Variants in SEMA3A observed in about 807,000 individuals in gnomAD.
SEMA3A encodes semaphorin-3A.
Under a neutral mutation model 97.9 loss-of-function variants are expected in SEMA3A, and 29 were observed. That is an observed-to-expected ratio of 0.30 (90% CI 0.22 to 0.40). The LOEUF (loss-of-function observed/expected upper bound fraction) is 0.40, where lower values mean the gene tolerates loss of function less well. Ranked by LOEUF, SEMA3A falls within the 10% of genes least tolerant of loss-of-function variation. SEMA3A has a pLI of 1.00. For synonymous variants in SEMA3A, 321 were observed against 323.7 expected, an observed-to-expected ratio of 0.99 and a Z score of 0.09; for missense variants, 763 against 951.3, an observed-to-expected ratio of 0.80 and a Z score of 2.60.
intron 14 of SEMA3A, among the ~76,000 whole-genome samples, chr7:83,980,162 GAA>G (rs1420222534): frequency 1.3e-5 from 2 of 152,072 alleles, no homozygotes; most frequent in Non-Finnish European, 2.9e-5. Flanking sequence ...TGTTGAAAGA[GAA>G]AGACATCCTT....
intron 3 of SEMA3A, among the ~76,000 whole-genome samples, chr7:84,291,180 G>A (rs995373210): frequency 6.6e-6 from 1 of 151,750 alleles, no homozygotes; most frequent in African/African-American, 2.4e-5. Context: ...TATTCAATGA[G>A]CTATAAGATA....
intron 5 of SEMA3A, among the ~76,000 whole-genome samples, chr7:84,054,925 C>G (rs974118470): frequency 2.6e-5 from 4 of 151,876 alleles, no homozygotes; most frequent in Non-Finnish European, 4.4e-5. Flanking sequence ...TTCTAACAGA[C>G]AGGACCCTCA....
intron 1 of SEMA3A, among the ~76,000 whole-genome samples, chr7:84,158,748 T>C (rs1035964208): frequency 6.6e-6 from 1 of 152,204 alleles, no homozygotes; most frequent in African/African-American, 2.4e-5. Context: ...TTAAAAATTA[T>C]TGAGAAAATT....
intron 15 of SEMA3A, among the ~76,000 whole-genome samples, chr7:83,964,275 C>G (rs1788586255): frequency 6.6e-6 from 1 of 152,134 alleles, no homozygotes; most frequent in South Asian, 2.1e-4. Flanking sequence ...CCTGTACAAT[C>G]TGAAACTCAT....
intron 1 of SEMA3A, among the ~76,000 whole-genome samples, chr7:84,143,241 G>A (rs1796351886): frequency 6.6e-6 from 1 of 151,940 alleles, no homozygotes; most frequent in Non-Finnish European, 1.5e-5. Context: ...GTAAAACCAT[G>A]TGTACTCTAT....
At chr7:84,036,098 C>T (rs1315455561) in intron 6 of SEMA3A, among the ~76,000 whole-genome samples, 2 of 151,860 alleles carry the variant, frequency 1.3e-5, no homozygotes, top group African/African-American at 2.4e-5. Context: ...ATAGTGAAAT[C>T]CCCACTCTGT....
Position 84,313,400 on chromosome 7 carries a change from AT to A in SEMA3A, c.-168-6109del, listed in dbSNP as rs1562898834. Among the ~76,000 whole-genome samples, 222 of 122,028 alleles carry A rather than the reference AT, an allele frequency of 1.8e-3. 2 individuals are homozygous for A. The highest frequency in any genetic ancestry group is 2.5e-3 in the African/African-American group (82 of 33,010). 80.1% of individuals were successfully genotyped at this position (122,028 alleles called of 152,430 possible). On this transcript the variant is annotated intron_variant, in intron 2 of 3. Coordinates refer to the SEMA3A transcript ENST00000424555. Reference sequence around the variant, plus strand: ...TATATATATATATATATATATATATATATATAAACTATACGTGACTCCTGAT... The same window carrying A: ...TATATATATATATATATATATATATAATATAAACTATACGTGACTCCTGAT...
intron 1 of SEMA3A, among the ~76,000 whole-genome samples, chr7:84,472,149 A>C (rs182336158): frequency 6.6e-6 from 1 of 152,256 alleles, no homozygotes; most frequent in South Asian, 2.1e-4. Context: ...GTGTGAGTGT[A>C]TGTGATTACA....
At chr7:84,066,472 A>T (rs1011674085) in intron 4 of SEMA3A, among the ~76,000 whole-genome samples, 13 of 144,834 alleles carry the variant, frequency 9.0e-5, no homozygotes, top group African/African-American at 3.4e-4. Flanking sequence ...GAAAAGAGGA[A>T]GTCAAATTGT....
chr7:84,158,721 A>G (rs577089228), intron 1 of SEMA3A, among the ~76,000 whole-genome samples: 6 of 152,322 alleles, frequency 3.9e-5, no homozygotes, highest in Admixed American at 2.6e-4. Context: ...GAAGAAATTA[A>G]TTAAATGAAA....
At chr7:84,028,783 A>AT (rs991787817) in intron 6 of SEMA3A, among the ~76,000 whole-genome samples, 33 of 150,306 alleles carry the variant, frequency 2.2e-4, no homozygotes, top group Admixed American at 4.0e-4. Context: ...TTTTATTTTT[A>AT]TTTTTTTTTG....
intron 3 of SEMA3A, among the ~76,000 whole-genome samples, chr7:84,239,218 AATT>A (rs1333464244): frequency 4.6e-5 from 7 of 152,326 alleles, no homozygotes; most frequent in African/African-American, 1.7e-4. Flanking sequence ...GCATTTAAAA[AATT>A]AATAGTTTTT....
intron 3 of SEMA3A, among the ~76,000 whole-genome samples, chr7:84,119,149 TATC>T (rs1795523506): frequency 6.6e-6 from 1 of 152,174 alleles, no homozygotes; most frequent in Non-Finnish European, 1.5e-5. Context: ...TTAATTTTGG[TATC>T]ATTTCAAGCA....
rs143417315 is a variant in SEMA3A, at chr7:84,302,727, T to C, written c.-83+4480A>G. 4.2e-3 allele frequency among the ~76,000 whole-genome samples: 636 copies of C among 151,968 alleles called. 3 individuals carry two copies. The highest frequency in any genetic ancestry group is 0.014 in the African/African-American group (598 of 41,438). On this transcript the variant is annotated intron_variant, in intron 3 of 3. Coordinates refer to the SEMA3A transcript ENST00000424555. ...GAAATAATGGAAACTATCAAAAGAG[T>C]CCCAAAACAAATGAAAAAGAAAGTT...
chr7:84,475,150 C>G (rs977234178), intron 1 of SEMA3A, among the ~76,000 whole-genome samples: 3 of 152,060 alleles, frequency 2.0e-5, no homozygotes, highest in African/African-American at 7.2e-5. Context: ...CAGCCCATCT[C>G]ATACTCCCTG....
At chr7:84,024,220 C>A (rs1480594358) in intron 6 of SEMA3A, among the ~76,000 whole-genome samples, 1 of 152,050 alleles carries the variant, frequency 6.6e-6, no homozygotes, top group African/African-American at 2.4e-5. Flanking sequence ...TTAGGCTTCT[C>A]CCAGTCACTA....
chr7:84,027,484 T>C (rs10235789), intron 6 of SEMA3A, among the ~76,000 whole-genome samples: 59,269 of 152,036 alleles, frequency 0.39, 12,868 homozygotes, highest in Non-Finnish European at 0.5. Context: ...GTTTATTCTT[T>C]AGAGCAATAC....
At chr7:84,196,829 T>C (rs1798243683), upstream of SEMA3A, among the ~76,000 whole-genome samples, 1 of 152,144 alleles carries the variant, frequency 6.6e-6, no homozygotes, top group Non-Finnish European at 1.5e-5. Flanking sequence ...TAAGTAGTTT[T>C]ACCATTTTCA....
chr7:84,035,130 A>G lies in SEMA3A; in HGVS notation c.667+11194T>C, dbSNP rs529482416. Among the ~76,000 whole-genome samples, 6 of 152,220 alleles carry G rather than the reference A, an allele frequency of 3.9e-5. No individual in the cohort carries two copies. The South Asian group carries it at 1.2e-3, about 32-fold the overall frequency. ...TATTAGACCATCTATAAGACATGTT[A>G]TACATACATTTATTAGTTAAAAACA... is the stretch of plus-strand genomic sequence containing the variant. On this transcript the variant is annotated intron_variant, in intron 6 of 16. Transcript: ENST00000265362.
Sources: allele counts gnomAD v4.1 joint callset (sites outside exome capture counted in the v4.1 genomes callset), GRCh38; gene constraint gnomAD v4.1.1; transcripts MANE v1.5; gene names NCBI Gene and HGNC (gene_info 2026-07-23, HGNC 2026-07-21).